NRG3: variants seen among roughly 807,000 people sequenced by gnomAD.
NRG3 encodes neuregulin 3.
Under a neutral mutation model 66.9 loss-of-function variants are expected in NRG3, and 31 were observed. That is an observed-to-expected ratio of 0.46 (90% CI 0.35 to 0.63). The LOEUF is 0.63. Ranked by LOEUF, NRG3 falls within the 20% of genes least tolerant of loss-of-function variation. NRG3 has a pLI of 0.00. For missense variants in NRG3, 910 were observed against 878.9 expected, an observed-to-expected ratio of 1.04 and a Z score of -0.45; for synonymous variants, 393 against 359.4, an observed-to-expected ratio of 1.09 and a Z score of -1.06.
In NRG3 at chr10:82,959,058, C is replaced by A; in HGVS notation, c.1267C>A (p.His423Asn). The A allele has an allele frequency of 6.2e-7, 1 of 1,602,570 alleles. No individual in the cohort carries two copies. The highest frequency in any genetic ancestry group is 1.8e-5 in the Admixed American group (1 of 56,846). ...MAKSENLVKSHVQLQNYSKVE... is the reference protein window; with the variant it reads ...MAKSENLVKSNVQLQNYSKVE... ...AAAGTCAGAGAACTTGGTGAAGAGC[C>A]ATGTCCAGCTGCAAAATGTAAGTGA... The change falls in exon 6 of 9, where the codon CAT becomes AAT. Residue 423 changes from histidine (H) to asparagine (N), a missense_variant. Transcript: ENST00000372141.
At chr10:82,489,406 G>T (rs1207965213) in intron 2 of NRG3, among the ~76,000 whole-genome samples, 5 of 152,156 alleles carry the variant, frequency 3.3e-5, no homozygotes, top group African/African-American at 9.7e-5. Flanking sequence ...GGCTGGTATT[G>T]CATCAGCAGC....
At chr10:81,973,503 GA>G (rs1564702795) in intron 1 of NRG3, among the ~76,000 whole-genome samples, 1 of 152,134 alleles carries the variant, frequency 6.6e-6, no homozygotes, top group African/African-American at 2.4e-5. Flanking sequence ...CACAATGGCT[GA>G]ACTAATTTAC....
intron 1 of NRG3, among the ~76,000 whole-genome samples, chr10:82,033,589 T>C (rs2062665470): frequency 6.6e-6 from 1 of 152,166 alleles, no homozygotes; most frequent in Admixed American, 6.6e-5. Flanking sequence ...TTGTATAGTG[T>C]TAGACACCTA....
At chr10:82,232,597 T>C (rs1306181905) in intron 1 of NRG3, 5 of 597,390 alleles carry the variant, frequency 8.4e-6, no homozygotes, top group Non-Finnish European at 1.5e-5. Flanking sequence ...CAGACTTTCA[T>C]TGTTTTTCTC....
In NRG3 at chr10:82,894,787, G is replaced by A. The variant is rs1304648017; in HGVS notation, c.1054+29350G>A. Among the ~76,000 whole-genome samples the A allele has an allele frequency of 3.3e-5, 5 of 152,044 alleles. No individual in the cohort carries two copies. In the East Asian group the frequency reaches 9.6e-4, roughly 29 times the overall value. The stretch of plus-strand genomic sequence containing the variant: ...GTGAATGTGCAGAATGTGCAGGTTT[G>A]TTAAATAGGTACACATGTGCCATGG... On this transcript the variant is annotated intron_variant, in intron 4 of 8. Transcript: ENST00000372141.
At chr10:82,750,418 G>T (rs966198204) in intron 3 of NRG3, among the ~76,000 whole-genome samples, 1 of 152,082 alleles carries the variant, frequency 6.6e-6, no homozygotes, top group Non-Finnish European at 1.5e-5. Flanking sequence ...TCATAATGTG[G>T]ATTAAGAACA....
chr10:82,436,716 T>G (rs1174954989), intron 2 of NRG3, among the ~76,000 whole-genome samples: 1 of 152,226 alleles, frequency 6.6e-6, no homozygotes, highest in Non-Finnish European at 1.5e-5. Context: ...CAGGAACCCC[T>G]GCAGGGCAGT....
At chr10:82,213,904 C>G (rs1475360898) in intron 1 of NRG3, among the ~76,000 whole-genome samples, 1 of 152,070 alleles carries the variant, frequency 6.6e-6, no homozygotes, top group Non-Finnish European at 1.5e-5. Context: ...TTCGACTGCT[C>G]AAACCCATTG....
chr10:82,654,400 T>C (rs2051682175), intron 2 of NRG3, among the ~76,000 whole-genome samples: 1 of 152,194 alleles, frequency 6.6e-6, no homozygotes, highest in Non-Finnish European at 1.5e-5. Flanking sequence ...AATATAAACC[T>C]TGGGTTAAAA....
intron 1 of NRG3, among the ~76,000 whole-genome samples, chr10:81,917,259 G>A (rs1367243753): frequency 6.6e-6 from 1 of 152,092 alleles, no homozygotes; most frequent in East Asian, 1.9e-4. Context: ...TCCCTTATTT[G>A]GAATGCATCT....
At chr10:82,350,083 C>T (rs2083334800) in intron 1 of NRG3, among the ~76,000 whole-genome samples, 1 of 152,022 alleles carries the variant, frequency 6.6e-6, no homozygotes, top group Non-Finnish European at 1.5e-5. Flanking sequence ...CATCTTGGCT[C>T]CTCAAAAAAA....
chr10:82,169,624 C>T (rs951645004), intron 1 of NRG3, among the ~76,000 whole-genome samples: 21 of 151,490 alleles, frequency 1.4e-4, no homozygotes, highest in Admixed American at 6.6e-5. Context: ...GATTTGTACT[C>T]TTCCTTAAAA....
At chr10:82,924,650 G>A (rs1230615722) in intron 4 of NRG3, among the ~76,000 whole-genome samples, 1 of 151,112 alleles carries the variant, frequency 6.6e-6, no homozygotes, top group Non-Finnish European at 1.5e-5. Context: ...TTCTAGACCA[G>A]TAGCATTCAA....
intron 1 of NRG3, among the ~76,000 whole-genome samples, chr10:82,044,205 G>T (rs918844860): frequency 1.3e-5 from 2 of 151,946 alleles, no homozygotes; most frequent in Non-Finnish European, 2.9e-5. Flanking sequence ...TATACTTTAT[G>T]AAGTTTTGCT....
intron 1 of NRG3, among the ~76,000 whole-genome samples, chr10:82,136,216 C>T (rs920476397): frequency 8.5e-5 from 13 of 152,300 alleles, no homozygotes; most frequent in African/African-American, 3.1e-4. Flanking sequence ...TCATTCTCCT[C>T]TGTGCTGAGC....
chr10:82,354,400 T>C (rs1448241270), intron 1 of NRG3, among the ~76,000 whole-genome samples: 1 of 151,558 alleles, frequency 6.6e-6, no homozygotes, highest in East Asian at 1.9e-4. Context: ...TTGTCCTTTT[T>C]TTTTTTTTTG....
intron 1 of NRG3, among the ~76,000 whole-genome samples, chr10:82,109,988 C>T (rs1322195248): frequency 6.6e-6 from 1 of 152,072 alleles, no homozygotes; most frequent in Non-Finnish European, 1.5e-5. Flanking sequence ...TGACAATATG[C>T]TAGGTAATGG....
chr10:82,249,234 C>G (rs1354095999), intron 1 of NRG3, among the ~76,000 whole-genome samples: 1 of 152,082 alleles, frequency 6.6e-6, no homozygotes, highest in Non-Finnish European at 1.5e-5. Context: ...TATGGCCTTC[C>G]AGCTCCCTGC....
chr10:81,928,476 A>C (rs1847026702), intron 1 of NRG3, among the ~76,000 whole-genome samples: 1 of 152,220 alleles, frequency 6.6e-6, no homozygotes, highest in South Asian at 2.1e-4. Flanking sequence ...AAATTATTTG[A>C]AATAGCTGTA....
Sources: gnomAD v4.1 joint callset for allele counts (sites outside exome capture counted in the v4.1 genomes callset) on GRCh38, gnomAD v4.1.1 for gene constraint, MANE v1.5 for transcripts, NCBI Gene and HGNC (gene_info 2026-07-23, HGNC 2026-07-21) for gene names.